RNF214: variants seen among roughly 807,000 people sequenced by gnomAD.
RNF214 encodes the protein ring finger protein 214.
Under a neutral mutation model 75.9 loss-of-function variants are expected in RNF214, and 25 were observed. The observed-to-expected ratio is 0.33, with a 90% confidence interval of 0.24 to 0.46. The LOEUF is 0.46. Among genes scored for constraint, RNF214 ranks in the 20% least tolerant of loss-of-function variants. The pLI is 1.00. For missense variants in RNF214, 725 were observed against 857.5 expected, an observed-to-expected ratio of 0.85 and a Z score of 1.93; for synonymous variants, 314 against 308.8, an observed-to-expected ratio of 1.02 and a Z score of -0.18.
rs2034128110 is a variant in RNF214, at chr11:117,281,573, A to G, written c.1237-27A>G. 3 of 1,541,318 alleles carry G rather than the reference A, an allele frequency of 1.9e-6. No individual in the cohort carries two copies. The African/African-American group carries it at 4.1e-5, about 21-fold the overall frequency. ...TCTAGAGAGCCTGAGTCAGTTCAGCAGTAAAAATAATCCTTTTTTTTTTTA... is the reference window on the plus strand; with the variant it reads ...TCTAGAGAGCCTGAGTCAGTTCAGCGGTAAAAATAATCCTTTTTTTTTTTA... On this transcript the variant is annotated intron_variant, in intron 9 of 14. Transcript: ENST00000300650.
intron 6 of RNF214, among the ~76,000 whole-genome samples, chr11:117,268,970 T>C (rs1442894511): frequency 6.6e-6 from 1 of 152,210 alleles, no homozygotes; most frequent in Non-Finnish European, 1.5e-5. Flanking sequence ...GCATATAAAA[T>C]TTATTTCATG....
Position 117,280,251 on chromosome 11 carries a change from T to C in RNF214, c.1137T>C (p.Thr379=), listed in dbSNP as rs781362003. The C allele has an allele frequency of 1.2e-6, 2 of 1,601,198 alleles. No homozygotes were observed. Among genetic ancestry groups the C allele is most frequent in the East Asian group, 4.5e-5 (2 of 44,820 alleles). Residue 379 remains threonine (T), a synonymous_variant, in exon 8 of 15, where the codon ACT becomes ACC. Coordinates refer to ENST00000300650, the MANE Select transcript of RNF214 (RefSeq NM_207343.4). ...EAEKEAELHL[T]YLKSTPPTLE... ...AAAAAGAGGCAGAATTGCACCTTAC[T>C]TACCTCAAGTAAGTACCTTTCCGTT...
At chr11:117,268,150 T>A (rs987517720) in intron 6 of RNF214, among the ~76,000 whole-genome samples, 2 of 152,212 alleles carry the variant, frequency 1.3e-5, no homozygotes, top group African/African-American at 4.8e-5. Context: ...AACTTTATTA[T>A]GGTAATTGGG....
chr11:117,262,815 C>CT (rs1406631485), intron 6 of RNF214, among the ~76,000 whole-genome samples: 1 of 151,554 alleles, frequency 6.6e-6, no homozygotes, highest in Non-Finnish European at 1.5e-5. Context: ...CTTTTCTTTT[C>CT]TTTTTTGTTT....
At chr11:117,268,788 C>T (rs2033848494) in intron 6 of RNF214, among the ~76,000 whole-genome samples, 1 of 152,134 alleles carries the variant, frequency 6.6e-6, no homozygotes, top group African/African-American at 2.4e-5. Context: ...CAATTGACAT[C>T]TTAACAATAT....
intron 14 of RNF214, among the ~76,000 whole-genome samples, chr11:117,283,946 T>G (rs1294905783): frequency 1.3e-5 from 2 of 152,152 alleles, no homozygotes; most frequent in African/African-American, 2.4e-5. Context: ...CGTGAGCCAG[T>G]GCACCTGGTC....
chr11:117,259,058 G>A (rs898448066), intron 6 of RNF214, among the ~76,000 whole-genome samples: 8 of 152,134 alleles, frequency 5.3e-5, no homozygotes, highest in African/African-American at 1.7e-4. Flanking sequence ...CCGGGTTTGA[G>A]CAATTTTTCC....
Position 117,285,334 on chromosome 11 carries a change from A to G in RNF214, c.*183A>G, listed in dbSNP as rs1037052324. On this transcript the variant is annotated 3_prime_UTR_variant, in exon 15 of 15. Coordinates refer to ENST00000300650, the MANE Select transcript of RNF214 (RefSeq NM_207343.4). Reference sequence around the variant, plus strand: ...GTTCGTAAATGAAACTATGTATATTATGCAGAAACAGTCTGTTCCCCCTCA... The same window carrying G: ...GTTCGTAAATGAAACTATGTATATTGTGCAGAAACAGTCTGTTCCCCCTCA... 6.1e-6 allele frequency: 3 copies of G among 491,108 alleles called. No individual in the cohort carries two copies. Among genetic ancestry groups the G allele is most frequent in the South Asian group, 3.0e-5 (1 of 33,086 alleles). 30.4% of individuals were successfully genotyped at this position (491,108 alleles called of 1,614,324 possible). A position where few individuals can be genotyped will look rare whatever the true frequency, so the allele number is the denominator to read the frequency against.
chr11:117,277,950 G>A (rs544985476), intron 6 of RNF214, among the ~76,000 whole-genome samples: 31 of 151,394 alleles, frequency 2.0e-4, no homozygotes, highest in South Asian at 1.3e-3. Context: ...CTCCAGACTG[G>A]GCAACAGATA....
chr11:117,241,993 A>G (rs912202187), intron 4 of RNF214, among the ~76,000 whole-genome samples: 1 of 152,068 alleles, frequency 6.6e-6, no homozygotes, highest in African/African-American at 2.4e-5. Context: ...GTTTTTTCAT[A>G]CTGTTAAGCT....
At chr11:117,250,687 C>CA (rs918942326) in intron 6 of RNF214, among the ~76,000 whole-genome samples, 6 of 139,978 alleles carry the variant, frequency 4.3e-5, no homozygotes, top group African/African-American at 1.6e-4. Flanking sequence ...GGTCACAGGA[C>CA]AATAGTGGAG....
rs779945622 is a variant in RNF214 at position 117,282,190 on chromosome 11, T to G, written c.1632T>G (p.Ala544=). The G allele has an allele frequency of 6.8e-6, 11 of 1,613,788 alleles. No individual in the cohort carries two copies. The highest frequency in any genetic ancestry group is 1.7e-4 in the Middle Eastern group (1 of 6,056). The change falls in exon 11 of 15, where the codon GCT becomes GCG. Residue 544 remains alanine, a synonymous_variant. Coordinates refer to ENST00000300650, the MANE Select transcript of RNF214 (RefSeq NM_207343.4). ...GCTTGGGCGGTGTTAAGGCTTCTGC[T>G]GAAACTCCCCGGCCCCAACCAGTAG... ...PPGLGGVKAS[A]ETPRPQPVDK...
rs182466853 is a variant in RNF214 at position 117,247,782 on chromosome 11, C to T, written c.959+834C>T. 2.7e-5 allele frequency among the ~76,000 whole-genome samples: 4 copies of T among 149,410 alleles called. No individual in the cohort carries two copies. In the Admixed American group the frequency reaches 2.7e-4, roughly 10 times the overall value. On this transcript the variant is annotated intron_variant, in intron 6 of 14. Coordinates refer to ENST00000300650, the MANE Select transcript of RNF214 (RefSeq NM_207343.4). Reference sequence around the variant, plus strand: ...AGGGGAATCGCTTGAATCCAGGAGGCAGGAGGCGGAGGTTGCAGTGAGCTG... The same window carrying T: ...AGGGGAATCGCTTGAATCCAGGAGGTAGGAGGCGGAGGTTGCAGTGAGCTG...
At position 117,239,500 on chromosome 11, in the gene RNF214, CTT is replaced by C. The variant is rs2033011059; in HGVS notation, c.619-299_619-298del. The C allele has an allele frequency of 1.9e-5, 9 of 464,304 alleles. No homozygotes were observed. The East Asian group carries it at 3.7e-4, about 19-fold the overall frequency. The allele number at this position is 464,304 out of a possible 1,614,324, so 28.8% of individuals were successfully genotyped here. A position where few individuals can be genotyped will look rare whatever the true frequency, so the allele number is the denominator to read the frequency against. ...ATCCTGCCTTCTAGTGACGGGTGTG[CTT>C]TGTTGTAGGAGAAAGTATGGGCACA... On this transcript the variant is annotated intron_variant, in intron 3 of 14. Coordinates refer to ENST00000300650, the MANE Select transcript of RNF214 (RefSeq NM_207343.4).
chr11:117,238,538 GTTC>G, intron 2 of RNF214, 60 bp from the exon 3 acceptor site: 1 of 1,420,070 alleles, frequency 7.0e-7, no homozygotes, highest in Non-Finnish European at 9.5e-7. Context: ...GTCTAGTTTT[GTTC>G]TTCTAGTAGT....
intron 6 of RNF214, among the ~76,000 whole-genome samples, chr11:117,252,995 A>G (rs1488356627): frequency 6.6e-6 from 1 of 152,188 alleles, no homozygotes; most frequent in Non-Finnish European, 1.5e-5. Flanking sequence ...GGTAGTCACT[A>G]TGTATTTCAA....
intron 6 of RNF214, chr11:117,263,709 G>A (rs1047463881): frequency 6.3e-6 from 1 of 159,030 alleles, no homozygotes; most frequent in African/African-American, 2.4e-5. Context: ...GGACTTCTAG[G>A]GGGTGGCAGA....
chr11:117,276,582 A>G (rs2034019944), intron 6 of RNF214, among the ~76,000 whole-genome samples: 1 of 152,230 alleles, frequency 6.6e-6, no homozygotes, highest in Non-Finnish European at 1.5e-5. Flanking sequence ...TGGACAATAC[A>G]GTGAAACCCT....
rs376556789 is a variant in RNF214 at position 117,239,900 on chromosome 11, C to G, written c.678+40C>G. 2.0e-4 allele frequency: 219 copies of G among 1,081,246 alleles called. 3 individuals are homozygous for G. Among genetic ancestry groups the G allele is most frequent in the Admixed American group, 7.0e-5 (4 of 56,780 alleles). 67.0% of individuals were successfully genotyped at this position (1,081,246 alleles called of 1,614,324 possible). On this transcript the variant is annotated intron_variant, in intron 4 of 14. Transcript: ENST00000300650. ...TGTCCTTGTTATATGAAGCCATTAT[C>G]AAATAGAAGATCTAGAGGCATATCA...
Sources: allele counts gnomAD v4.1 joint callset (sites outside exome capture counted in the v4.1 genomes callset), GRCh38; gene constraint gnomAD v4.1.1; transcripts MANE v1.5; gene names NCBI Gene and HGNC (gene_info 2026-07-23, HGNC 2026-07-21).